Variants in PIEZO1 observed in about 807,000 individuals in gnomAD.
PIEZO1 encodes the protein piezo-type mechanosensitive ion channel component 1.
In PIEZO1, 296 loss-of-function variants were observed where a neutral mutation model predicts 297.2. That is an observed-to-expected ratio of 1.00 (90% CI 0.91 to 1.10). PIEZO1 has a LOEUF of 1.10. Ranked by LOEUF, PIEZO1 falls within the 50% of genes least tolerant of loss-of-function variation. The pLI is 0.00. For missense variants in PIEZO1, 5,018 were observed against 3,455.5 expected (o/e 1.45, Z -11.34); for synonymous variants, 2,427 against 1,507.5 (o/e 1.61, Z -14.13).
Position 88,727,163 on chromosome 16 carries a change from G to A in PIEZO1, c.3331C>T (p.Gln1111Ter), listed in dbSNP as rs1161335800. ...SDFLLLLCAS[Q>*]QWQVFSAERT... is the part of the protein sequence containing the mutation. ...TCAGCTGAGAACACCTGCCACTGCT[G>A]GGAGGCGCACAGCAGCAGGAGAAAG... The change falls in exon 24 of 51, where the codon CAG (glutamine) becomes TAG (stop). Residue 1111 changes from glutamine (Q) to a stop codon, truncating the protein, a stop_gained. Transcript: ENST00000301015. LOFTEE classifies it high-confidence loss of function. 52 of 1,547,322 alleles carry A rather than the reference G, an allele frequency of 3.4e-5. No individual in the cohort carries two copies. Among genetic ancestry groups the A allele is most frequent in the Non-Finnish European group, 4.5e-5 (52 of 1,145,098 alleles).
chr16:88,727,242 TG>T (rs1198840626), intron 23 of PIEZO1, 50 bp from the exon 24 acceptor site: 2 of 1,477,598 alleles, frequency 1.4e-6, no homozygotes, highest in African/African-American at 2.8e-5. Context: ...CCACACGAGG[TG>T]GGCACGGCGC....
At chr16:88,726,679 C>CAGCGGGGCT in intron 25 of PIEZO1, 36 bp from the exon 26 acceptor site, 3 of 1,546,712 alleles carry the variant, frequency 1.9e-6, no homozygotes, top group Non-Finnish European at 2.6e-6. Context: ...CCAGCGGGGC[C>CAGCGGGGCT]CCAGGGCGGT....
chr16:88,743,253 G>A (rs750275815), intron 2 of PIEZO1: 3 of 456,440 alleles, frequency 6.6e-6, no homozygotes, highest in African/African-American at 2.0e-5. Context: ...CTCTGCTCTC[G>A]GCGCACATGT....
chr16:88,726,243 C>T (rs778189094), intron 27 of PIEZO1, 41 bp downstream of exon 27: 1 of 1,505,418 alleles, frequency 6.6e-7, no homozygotes, highest in African/African-American at 1.4e-5. Flanking sequence ...CCTCCCAGCC[C>T]CAAGACGGGA....
Position 88,715,910 on chromosome 16 carries a change from T to TG in PIEZO1, c.7316+22dup, listed in dbSNP as rs1460429862. The TG allele has an allele frequency of 2.0e-5, 30 of 1,530,356 alleles. 1 individual carries two copies. In the East Asian group the frequency reaches 7.1e-4, roughly 36 times the overall value. The allele number at this position is 1,530,356 out of a possible 1,614,324, so 94.8% of individuals were successfully genotyped here. ...GCCCGGAGCCCCCCGAGCTGCGGGG[T>TG]GCCCCCCCAGCCACTCACTCACCCG... is the stretch of plus-strand genomic sequence containing the variant. On this transcript the variant is annotated intron_variant, in intron 50 of 50. Coordinates refer to ENST00000301015, the MANE Select transcript of PIEZO1 (RefSeq NM_001142864.4).
intron 38 of PIEZO1, 48 bp from the exon 39 acceptor site, chr16:88,721,478 G>C: frequency 2.6e-6 from 4 of 1,538,852 alleles, no homozygotes; most frequent in South Asian, 1.2e-5. Context: ...CCCTGGTGGA[G>C]AGCACAGGTG....
At chr16:88,748,494 C>G (rs1019759057) in intron 2 of PIEZO1, among the ~76,000 whole-genome samples, 2 of 123,104 alleles carry the variant, frequency 1.6e-5, no homozygotes, top group African/African-American at 2.6e-5. Flanking sequence ...CAGCTCCCCC[C>G]CCCCCCCGCA....
chr16:88,732,255 G>T, intron 21 of PIEZO1, 80 bp downstream of exon 21: 8 of 1,275,754 alleles, frequency 6.3e-6, no homozygotes, highest in South Asian at 1.3e-5. Flanking sequence ...GGCCAGGCTT[G>T]CGGTGCCTGC....
intron 1 of PIEZO1, among the ~76,000 whole-genome samples, chr16:88,766,875 T>C (rs553223871): frequency 6.6e-6 from 1 of 152,348 alleles, no homozygotes; most frequent in South Asian, 2.1e-4. Context: ...GTTGGAACCC[T>C]GGGCCCAAAC....
chr16:88,726,272 G>A lies in PIEZO1; in HGVS notation c.3968+12C>T, dbSNP rs1400047707. 27 of 1,542,972 alleles carry A rather than the reference G, an allele frequency of 1.7e-5. No homozygotes were observed. The highest frequency in any genetic ancestry group is 2.2e-5 in the Non-Finnish European group (25 of 1,143,366). On this transcript the variant is annotated intron_variant, in intron 27 of 50. Transcript: ENST00000301015. ...GACGGGAGCTCTGGGCTGTGTCTGGGCCCAAGCTTGCCTGGAGGCTAGCAG... is the reference window on the plus strand; with the variant it reads ...GACGGGAGCTCTGGGCTGTGTCTGGACCCAAGCTTGCCTGGAGGCTAGCAG...
intron 1 of PIEZO1, among the ~76,000 whole-genome samples, chr16:88,760,489 A>G (rs945083995): frequency 2.0e-5 from 3 of 152,264 alleles, no homozygotes; most frequent in Non-Finnish European, 4.4e-5. Flanking sequence ...AGGCCCTAGG[A>G]GAGCTTTGTC....
At chr16:88,739,677 C>CA (rs566914502) in intron 5 of PIEZO1, 118 of 152,590 alleles carry the variant, frequency 7.7e-4, no homozygotes, top group Non-Finnish European at 1.5e-3. Context: ...GTCCTGTCCT[C>CA]ACAGGCCTCC....
chr16:88,746,290 G>C (rs148702384), intron 2 of PIEZO1, among the ~76,000 whole-genome samples: 247 of 152,278 alleles, frequency 1.6e-3, no homozygotes, highest in African/African-American at 5.7e-3. Flanking sequence ...ATGGTAAGAG[G>C]TGGGGGGTGA....
At chr16:88,734,175 G>T in intron 16 of PIEZO1, 121 bp from the exon 17 acceptor site, 1 of 1,316,408 alleles carries the variant, frequency 7.6e-7, no homozygotes, top group Non-Finnish European at 1.0e-6. Flanking sequence ...GCACAGCTGT[G>T]TCGCAACTCA....
chr16:88,775,057 C>G (rs181038290), intron 1 of PIEZO1, among the ~76,000 whole-genome samples: 89 of 152,344 alleles, frequency 5.8e-4, no homozygotes, highest in African/African-American at 2.1e-3. Flanking sequence ...CCGGCCCAGA[C>G]AGTGAAGACG....
chr16:88,736,564 C>A, intron 11 of PIEZO1, 75 bp downstream of exon 11: 2 of 1,209,294 alleles, frequency 1.7e-6, no homozygotes, highest in South Asian at 3.1e-5. Flanking sequence ...AGCTGCCCAG[C>A]GCACCCCACC....
chr16:88,784,848 G>T, intron 1 of PIEZO1, 53 bp downstream of exon 1: 2 of 1,280,926 alleles, frequency 1.6e-6, no homozygotes, highest in South Asian at 1.4e-5. Flanking sequence ...AGGCCGTGGG[G>T]AGCCGAGACG....
chr16:88,717,790 T>C, intron 44 of PIEZO1: 1 of 451,336 alleles, frequency 2.2e-6, no homozygotes, highest in Non-Finnish European at 4.4e-6. Context: ...TCCAATTCAG[T>C]CATTTCTAGC....
chr16:88,775,519 A>G (rs1465014530), intron 1 of PIEZO1, among the ~76,000 whole-genome samples: 2 of 152,162 alleles, frequency 1.3e-5, no homozygotes, highest in Non-Finnish European at 2.9e-5. Flanking sequence ...ACCTAAGGTC[A>G]GGAGTTTGAG....
Sources: gnomAD v4.1 joint callset for allele counts (sites outside exome capture counted in the v4.1 genomes callset) on GRCh38, gnomAD v4.1.1 for gene constraint, MANE v1.5 for transcripts, NCBI Gene and HGNC (gene_info 2026-07-23, HGNC 2026-07-21) for gene names.